The following ANKRD17 variants were observed in gnomAD, a reference collection of about 807,000 sequenced individuals.
The protein encoded by ANKRD17 is ankyrin repeat domain-containing protein 17.
ANKRD17 carries 19 observed loss-of-function variants against 229.7 expected under a neutral mutation model. That is an observed-to-expected ratio of 0.08 (90% confidence interval 0.06 to 0.12). The LOEUF (loss-of-function observed/expected upper bound fraction) is 0.12. ANKRD17 is among the 10% of genes least tolerant of loss of function. The probability of loss-of-function intolerance (pLI) is 1.00; values close to 1 mark genes in which losing one functional copy is unlikely to be tolerated. For synonymous variants in ANKRD17, 1,112 were observed against 1,146.1 expected (o/e 0.97, Z 0.60); for missense variants, 2,176 against 3,176.8 (o/e 0.68, Z 7.57).
chr4:73,236,702 T>A (rs1444742423), intron 1 of ANKRD17, among the ~76,000 whole-genome samples: 1 of 152,036 alleles, frequency 6.6e-6, no homozygotes. Context: ...TATATAAGAA[T>A]TAAATCCAGT....
chr4:73,099,474 T>G (rs995042387), intron 25 of ANKRD17, among the ~76,000 whole-genome samples: 2 of 152,164 alleles, frequency 1.3e-5, no homozygotes, highest in African/African-American at 4.8e-5. Context: ...CCCCACTCCC[T>G]TAGTAGTAGC....
intron 1 of ANKRD17, among the ~76,000 whole-genome samples, chr4:73,257,232 T>C (rs1297990061): frequency 6.6e-6 from 1 of 152,006 alleles, no homozygotes; most frequent in Non-Finnish European, 1.5e-5. Flanking sequence ...GACAAGAGAG[T>C]GGTAAAACAG....
At chr4:73,128,352 A>C (rs1727753013) in intron 16 of ANKRD17, among the ~76,000 whole-genome samples, 1 of 152,214 alleles carries the variant, frequency 6.6e-6, no homozygotes, top group African/African-American at 2.4e-5. Context: ...TGTCCACTCT[A>C]CGTTGGTGCA....
At chr4:73,132,522 C>A (rs1390934259) in intron 16 of ANKRD17, among the ~76,000 whole-genome samples, 1 of 152,182 alleles carries the variant, frequency 6.6e-6, no homozygotes. Context: ...TCTAACTAAA[C>A]ACATATGGTA....
At chr4:73,141,952 C>T in intron 13 of ANKRD17, 109 bp from the exon 14 acceptor site, 1 of 928,076 alleles carries the variant, frequency 1.1e-6, no homozygotes, top group Non-Finnish European at 1.6e-6. Flanking sequence ...TTTAATATGT[C>T]ATCTTAGACA....
chr4:73,126,643 A>G (rs1226503269), intron 16 of ANKRD17, among the ~76,000 whole-genome samples: 1 of 152,226 alleles, frequency 6.6e-6, no homozygotes, highest in East Asian at 1.9e-4. Flanking sequence ...AATGATAATG[A>G]CCAACATATT....
intron 1 of ANKRD17, among the ~76,000 whole-genome samples, chr4:73,190,946 C>G (rs1403467942): frequency 6.6e-6 from 1 of 152,018 alleles, no homozygotes; most frequent in Non-Finnish European, 1.5e-5. Flanking sequence ...TACCATGTTC[C>G]TGGATGGGAA....
intron 30 of ANKRD17, among the ~76,000 whole-genome samples, chr4:73,080,555 G>T (rs2110096014): frequency 6.6e-6 from 1 of 152,156 alleles, no homozygotes; most frequent in Admixed American, 6.5e-5. Context: ...AATAACAAAA[G>T]CTTGTTTTTT....
chr4:73,094,310 T>C, intron 27 of ANKRD17, 82 bp from the exon 28 acceptor site: 3 of 1,242,198 alleles, frequency 2.4e-6, no homozygotes, highest in East Asian at 2.6e-5. Context: ...AGAGTATTAC[T>C]AAAATGTCTT....
At chr4:73,124,110 C>A (rs965423015) in intron 18 of ANKRD17, among the ~76,000 whole-genome samples, 1 of 151,394 alleles carries the variant, frequency 6.6e-6, no homozygotes, top group Non-Finnish European at 1.5e-5. Context: ...ATACTTCAGG[C>A]CTGATAAATA....
At chr4:73,238,311 A>G (rs1743694656) in intron 1 of ANKRD17, among the ~76,000 whole-genome samples, 1 of 152,188 alleles carries the variant, frequency 6.6e-6, no homozygotes, top group Non-Finnish European at 1.5e-5. Context: ...CTTACCTAAC[A>G]GCATGAATTA....
intron 29 of ANKRD17, among the ~76,000 whole-genome samples, chr4:73,086,919 A>AAAAAAAAAAATATATAT (rs1553911000): frequency 1.6e-4 from 2 of 12,464 alleles, no homozygotes; most frequent in Admixed American, 7.6e-4. Context: ...AAAAAAAAAA[A>AAAAAAAAAAATATATAT]ATATATATAT....
At chr4:73,218,630 G>A (rs1456989159) in intron 1 of ANKRD17, among the ~76,000 whole-genome samples, 1 of 135,674 alleles carries the variant, frequency 7.4e-6, no homozygotes, top group Admixed American at 7.7e-5. Context: ...GTGACAGAGT[G>A]AGACTCTGTC....
At chr4:73,092,948 T>C (rs145847226) in intron 28 of ANKRD17, among the ~76,000 whole-genome samples, 32 of 152,190 alleles carry the variant, frequency 2.1e-4, no homozygotes, top group African/African-American at 7.7e-4. Flanking sequence ...CAGGAAAATA[T>C]TTGATATTTA....
intron 1 of ANKRD17, 48 bp from the exon 2 acceptor site, chr4:73,177,581 A>C: frequency 2.8e-6 from 4 of 1,439,578 alleles, no homozygotes; most frequent in Non-Finnish European, 3.9e-6. Context: ...ATGAACAGCG[A>C]AAGGAAAAGA....
intron 1 of ANKRD17, among the ~76,000 whole-genome samples, chr4:73,192,314 C>T (rs140514575): frequency 6.6e-6 from 1 of 151,800 alleles, no homozygotes; most frequent in African/African-American, 2.4e-5. Context: ...GAATGATCTT[C>T]ACATTGTTAG....
At chr4:73,086,155 T>G (rs1315044435) in intron 29 of ANKRD17, among the ~76,000 whole-genome samples, 2 of 152,256 alleles carry the variant, frequency 1.3e-5, no homozygotes, top group Admixed American at 6.5e-5. Flanking sequence ...ATCATTAGTT[T>G]TCCTTTACAT....
rs527996541 is a variant in ANKRD17 at position 73,166,167 on chromosome 4, A to G, written c.548-4819T>C. ...ACAAAACATGCATCCAGACTTTCCAATTTAGCTTTTTATGGCATTGCTATA... is the reference window on the plus strand; with the variant it reads ...ACAAAACATGCATCCAGACTTTCCAGTTTAGCTTTTTATGGCATTGCTATA... On this transcript the variant is annotated intron_variant, in intron 2 of 33. Transcript: ENST00000358602. Among the ~76,000 whole-genome samples the G allele has an allele frequency of 5.4e-4, 83 of 152,360 alleles. 1 individual carries two copies. The South Asian group carries it at 0.016, about 29-fold the overall frequency.
At chr4:73,111,323 G>A (rs1725290255) in intron 24 of ANKRD17, among the ~76,000 whole-genome samples, 2 of 152,154 alleles carry the variant, frequency 1.3e-5, no homozygotes, top group Non-Finnish European at 2.9e-5. Flanking sequence ...TTGAACACAA[G>A]CACTGTGATA....
Sources: gnomAD v4.1 joint callset for allele counts (sites outside exome capture counted in the v4.1 genomes callset) on GRCh38, gnomAD v4.1.1 for gene constraint, MANE v1.5 for transcripts, NCBI Gene and HGNC (gene_info 2026-07-23, HGNC 2026-07-21) for gene names.